Variants in MACROD2 observed in about 807,000 individuals in gnomAD.
MACROD2 encodes ADP-ribose glycohydrolase MACROD2.
In MACROD2, 36 loss-of-function variants were observed where a neutral mutation model predicts 70.4. That is an observed-to-expected ratio of 0.51 (90% CI 0.39 to 0.68). The LOEUF (loss-of-function observed/expected upper bound fraction) is 0.68. MACROD2 is among the 30% of genes least tolerant of loss of function. MACROD2 has a pLI of 0.00. For synonymous variants in MACROD2, 172 were observed against 178.8 expected, an observed-to-expected ratio of 0.96 and a Z score of 0.30; for missense variants, 496 against 538.4, an observed-to-expected ratio of 0.92 and a Z score of 0.78.
chr20:15,296,788 C>T (rs1220471303), intron 6 of MACROD2, among the ~76,000 whole-genome samples: 2 of 152,124 alleles, frequency 1.3e-5, no homozygotes, highest in Non-Finnish European at 2.9e-5. Context: ...AAATGCTTTG[C>T]AGCAAATAAA....
intron 4 of MACROD2, chr20:14,623,053 A>T (rs1260602306): frequency 6.6e-6 from 1 of 152,238 alleles, no homozygotes; most frequent in African/African-American, 2.4e-5. Flanking sequence ...ACATCCAGTG[A>T]CTCAACAACA....
intron 3 of MACROD2, chr20:14,128,382 A>G (rs2054677826): frequency 6.5e-6 from 1 of 154,128 alleles, no homozygotes; most frequent in Admixed American, 6.5e-5. Context: ...AAACCTTATA[A>G]AAAGGAATGT....
At chr20:15,248,736 C>T (rs1259884309) in intron 6 of MACROD2, among the ~76,000 whole-genome samples, 2 of 152,138 alleles carry the variant, frequency 1.3e-5, no homozygotes, top group Non-Finnish European at 2.9e-5. Flanking sequence ...TGACATGAGT[C>T]TTATGCAGTC....
chr20:14,188,043 A>G (rs1341812979), intron 3 of MACROD2, among the ~76,000 whole-genome samples: 2 of 151,254 alleles, frequency 1.3e-5, no homozygotes, highest in South Asian at 2.1e-4. Context: ...CCTATAGAAT[A>G]TGATTGAAAG....
rs532025481 is a variant in MACROD2, at chr20:15,680,995, G to A, written c.645+181148G>A. On this transcript the variant is annotated intron_variant, in intron 8 of 17. Coordinates refer to ENST00000684519, the MANE Select transcript of MACROD2 (RefSeq NM_001351661.2). ...ATGTACATTCTGCTGTCCATTTTTA[G>A]GAGAAAGAAAAGTCATAAACTCAGG... Among the ~76,000 whole-genome samples the A allele has an allele frequency of 3.9e-5, 6 of 152,274 alleles. No homozygotes were observed. The South Asian group carries it at 8.3e-4, about 21-fold the overall frequency.
chr20:14,109,071 C>G (rs1302146966), intron 3 of MACROD2, among the ~76,000 whole-genome samples: 1 of 152,034 alleles, frequency 6.6e-6, no homozygotes, highest in East Asian at 1.9e-4. Flanking sequence ...AGCATCTTCT[C>G]TGAACACAAT....
chr20:15,918,399 A>T (rs2065351823), intron 10 of MACROD2, among the ~76,000 whole-genome samples: 2 of 152,194 alleles, frequency 1.3e-5, no homozygotes, highest in Admixed American at 1.3e-4. Context: ...TTATCCTAAC[A>T]TTTTCATGTG....
chr20:14,581,199 T>C (rs1468330682), intron 4 of MACROD2, among the ~76,000 whole-genome samples: 6 of 152,210 alleles, frequency 3.9e-5, no homozygotes, highest in Non-Finnish European at 7.4e-5. Context: ...AAAACACTCT[T>C]GGTTTTTTCA....
intron 5 of MACROD2, among the ~76,000 whole-genome samples, chr20:15,107,543 CCTAT>C (rs1325493692): frequency 7.3e-5 from 11 of 151,606 alleles, no homozygotes; most frequent in African/African-American, 2.7e-4. Flanking sequence ...CTTTATGCTT[CCTAT>C]CTTTTTTTTT....
chr20:15,594,546 C>T (rs1052315532), intron 8 of MACROD2, among the ~76,000 whole-genome samples: 5 of 152,212 alleles, frequency 3.3e-5, no homozygotes, highest in Non-Finnish European at 5.9e-5. Context: ...TCCATGGCCC[C>T]CATCACCACA....
chr20:15,369,600 G>A (rs1414541803), intron 6 of MACROD2, among the ~76,000 whole-genome samples: 8 of 152,066 alleles, frequency 5.3e-5, no homozygotes, highest in Admixed American at 4.6e-4. Flanking sequence ...GAAGTTGTTT[G>A]GCAAACTGAG....
At chr20:14,787,959 T>C (rs2072395530) in intron 5 of MACROD2, among the ~76,000 whole-genome samples, 1 of 152,060 alleles carries the variant, frequency 6.6e-6, no homozygotes, top group Non-Finnish European at 1.5e-5. Flanking sequence ...GCTTTTTTAC[T>C]CACTATAAAA....
chr20:14,132,036 C>T (rs1395134794), intron 3 of MACROD2, among the ~76,000 whole-genome samples: 1 of 143,640 alleles, frequency 7.0e-6, no homozygotes, highest in South Asian at 2.3e-4. Flanking sequence ...GAGGCTGAGG[C>T]GGGAGAATGG....
chr20:14,074,497 A>G (rs940597149), intron 2 of MACROD2, among the ~76,000 whole-genome samples: 2 of 152,160 alleles, frequency 1.3e-5, no homozygotes, highest in Non-Finnish European at 2.9e-5. Flanking sequence ...GTAGGAACAG[A>G]TATTCATACT....
At chr20:15,265,782 T>C (rs1221544853) in intron 6 of MACROD2, among the ~76,000 whole-genome samples, 1 of 152,218 alleles carries the variant, frequency 6.6e-6, no homozygotes, top group Non-Finnish European at 1.5e-5. Context: ...TAGGTTGCTA[T>C]GTTAACCAAA....
chr20:15,819,638 G>C (rs942608542), intron 8 of MACROD2, among the ~76,000 whole-genome samples: 4 of 151,506 alleles, frequency 2.6e-5, no homozygotes, highest in African/African-American at 9.7e-5. Context: ...GGGCATGAAG[G>C]ACATTTATGT....
At chr20:15,823,710 A>G (rs1015697018) in intron 8 of MACROD2, among the ~76,000 whole-genome samples, 1 of 152,196 alleles carries the variant, frequency 6.6e-6, no homozygotes, top group Non-Finnish European at 1.5e-5. Flanking sequence ...GAGGTGGTAG[A>G]GTTATTCTAA....
At chr20:15,413,811 C>T (rs2046110880) in intron 6 of MACROD2, among the ~76,000 whole-genome samples, 1 of 152,148 alleles carries the variant, frequency 6.6e-6, no homozygotes, top group African/African-American at 2.4e-5. Flanking sequence ...AGAAATCACT[C>T]TATACAGCTC....
chr20:15,943,789 T>G lies in MACROD2; in HGVS notation c.907+6245T>G, dbSNP rs1601183316. 2.0e-5 allele frequency among the ~76,000 whole-genome samples: 3 copies of G among 152,234 alleles called. No homozygotes were observed. In the East Asian group the frequency reaches 5.8e-4, roughly 29 times the overall value. ...TATACAATCCCTTTAAAAGGTAGTA[T>G]TTATCATATTTTTAATATAAAAATT... On this transcript the variant is annotated intron_variant, in intron 12 of 17. Coordinates refer to ENST00000684519, the MANE Select transcript of MACROD2 (RefSeq NM_001351661.2).
Sources: allele counts gnomAD v4.1 joint callset (sites outside exome capture counted in the v4.1 genomes callset), GRCh38; gene constraint gnomAD v4.1.1; transcripts MANE v1.5; gene names NCBI Gene and HGNC (gene_info 2026-07-23, HGNC 2026-07-21).